Variants in AFF3 observed in about 807,000 individuals in gnomAD.
AFF3 encodes ALF transcription elongation factor 3, also known as AF4/FMR2 family member 3.
In AFF3, 32 loss-of-function variants were observed where a neutral mutation model predicts 129.7. The ratio of observed to expected loss-of-function variants is 0.25; its 90% CI spans 0.19 to 0.33. The LOEUF (loss-of-function observed/expected upper bound fraction) is 0.33, where lower values mean the gene tolerates loss of function less well. AFF3 is among the 10% of genes least tolerant of loss of function. The pLI, the probability that AFF3 is intolerant of heterozygous loss-of-function variation, is 1.00. For missense variants in AFF3, 1,373 were observed against 1,592.0 expected, an observed-to-expected ratio of 0.86 and a Z score of 2.34; for synonymous variants, 644 against 635.4, an observed-to-expected ratio of 1.01 and a Z score of -0.20.
rs1339657155 is a variant in AFF3, at chr2:99,548,930, A to T, written c.*2544T>A. ...CCACAGATGAAACAAGACAGTCATAAGAACTACACGCTCTGACCACTGCCC... is the reference window on the plus strand; with the variant it reads ...CCACAGATGAAACAAGACAGTCATATGAACTACACGCTCTGACCACTGCCC... On this transcript the variant is annotated 3_prime_UTR_variant, in exon 25 of 25. Transcript: ENST00000672756. 3 of 232,386 alleles carry T rather than the reference A, an allele frequency of 1.3e-5. No homozygotes were observed. Among genetic ancestry groups the T allele is most frequent in the Non-Finnish European group, 2.6e-5 (3 of 117,580 alleles). 14.4% of individuals were successfully genotyped at this position (232,386 alleles called of 1,614,324 possible).
chr2:99,919,752 T>TAA (rs150738092), intron 7 of AFF3, among the ~76,000 whole-genome samples: 83 of 145,698 alleles, frequency 5.7e-4, no homozygotes, highest in Non-Finnish European at 9.1e-4. Flanking sequence ...AACTGAAAAA[T>TAA]AAAAAAAAAA....
At chr2:99,696,584 A>G (rs1050948104) in intron 11 of AFF3, among the ~76,000 whole-genome samples, 2 of 152,192 alleles carry the variant, frequency 1.3e-5, no homozygotes, top group African/African-American at 4.8e-5. Flanking sequence ...GGAAGCCCAG[A>G]GCATGGACTA....
chr2:99,593,292 CT>C lies in AFF3; in HGVS notation c.2368del (p.Ser790AlafsTer71). 1 of 1,614,028 alleles carries C rather than the reference CT, an allele frequency of 6.2e-7. No homozygotes were observed. The highest frequency in any genetic ancestry group is 8.5e-7 in the Non-Finnish European group (1 of 1,179,956). On this transcript the variant is annotated frameshift_variant, in exon 15 of 25. Transcript: ENST00000672756. LOFTEE classifies it high-confidence loss of function. ...CTCAGAGTCCTTGGTGGCAGGGGCG[CT>C]CAATACCCCTGGCTCCTGGGGCAGG... ...EHLPQEPGVL[S>X]APATKDSESA...
Position 99,566,503 on chromosome 2 carries a change from G to A in AFF3, c.2983-880C>T, listed in dbSNP as rs761965368. ...TTTGAGGTTCCAGTGAGCTATGATC[G>A]CCCCACTGTGCTCCAACCTGGATAA... On this transcript the variant is annotated intron_variant, in intron 19 of 24. Coordinates refer to ENST00000672756, the MANE Select transcript of AFF3 (RefSeq NM_001386135.1). Among the ~76,000 whole-genome samples, 14 of 152,202 alleles carry A rather than the reference G, an allele frequency of 9.2e-5. No individual in the cohort carries two copies. In the East Asian group the frequency reaches 2.1e-3, roughly 23 times the overall value.
At chr2:99,959,029 T>C (rs1014607734) in intron 7 of AFF3, among the ~76,000 whole-genome samples, 27 of 151,912 alleles carry the variant, frequency 1.8e-4, no homozygotes, top group Middle Eastern at 3.4e-3. Flanking sequence ...TCCAGGAGTA[T>C]GAGGCTGCAG....
intron 7 of AFF3, among the ~76,000 whole-genome samples, chr2:99,978,789 G>C (rs1480964434): frequency 2.6e-5 from 4 of 152,180 alleles, no homozygotes; most frequent in Admixed American, 2.6e-4. Flanking sequence ...ACCACGTGAG[G>C]ATACAGCAAT....
At chr2:99,895,574 CT>C (rs1383011594) in intron 7 of AFF3, among the ~76,000 whole-genome samples, 2 of 152,136 alleles carry the variant, frequency 1.3e-5, no homozygotes, top group African/African-American at 4.8e-5. Flanking sequence ...GATCTTACCC[CT>C]GATAAAGGCT....
At chr2:99,806,652 A>G (rs1686375266) in intron 8 of AFF3, among the ~76,000 whole-genome samples, 5 of 152,098 alleles carry the variant, frequency 3.3e-5, no homozygotes, top group Admixed American at 3.3e-4. Flanking sequence ...TAGCAGACCT[A>G]CTAGTCACAG....
chr2:99,554,712 T>C lies in AFF3; in HGVS notation c.3306A>G (p.Gln1102=). Residue 1102 remains glutamine, a synonymous_variant, in exon 23 of 25, where the codon CAA becomes CAG. Transcript: ENST00000672756. ...DYFKNSSKAA[Q]APSPWGASGK... is the part of the protein sequence containing the mutation. The stretch of plus-strand genomic sequence containing the variant: ...CACTGGCCCCCCACGGAGATGGGGC[T>C]TGGGCGGCTTTAGATGAGTTCTGCA... The C allele has an allele frequency of 6.2e-7, 1 of 1,614,222 alleles. No homozygotes were observed. The highest frequency in any genetic ancestry group is 8.5e-7 in the Non-Finnish European group (1 of 1,180,042).
rs1280342112 is a variant in AFF3, at chr2:99,963,629, A to G, written c.873+43003T>C. Among the ~76,000 whole-genome samples, 3 of 151,850 alleles carry G rather than the reference A, an allele frequency of 2.0e-5. 1 individual carries two copies. The highest frequency in any genetic ancestry group is 4.4e-5 in the Non-Finnish European group (3 of 67,870). On this transcript the variant is annotated intron_variant, in intron 7 of 24. Transcript: ENST00000672756. Reference sequence around the variant, plus strand: ...ATACAAATAGATGTACTAAAAAACAAAAAAAAACCCCAAAAACAAAAATCA... The same window carrying G: ...ATACAAATAGATGTACTAAAAAACAGAAAAAAACCCCAAAAACAAAAATCA...
At chr2:100,120,085 T>C (rs1691893334) in intron 2 of AFF3, among the ~76,000 whole-genome samples, 1 of 152,200 alleles carries the variant, frequency 6.6e-6, no homozygotes, top group South Asian at 2.1e-4. Flanking sequence ...TTAGTGATGA[T>C]GTTTAATACA....
chr2:99,619,819 A>T (rs1283600534), intron 13 of AFF3, among the ~76,000 whole-genome samples: 1 of 152,140 alleles, frequency 6.6e-6, no homozygotes, highest in Admixed American at 6.5e-5. Flanking sequence ...TGCTAAGTAG[A>T]TCACCCCTCA....
intron 7 of AFF3, among the ~76,000 whole-genome samples, chr2:99,983,074 T>C (rs1679555908): frequency 6.6e-6 from 1 of 152,238 alleles, no homozygotes; most frequent in Non-Finnish European, 1.5e-5. Flanking sequence ...CTTAAAGAAC[T>C]ATCCAGGTGT....
intron 7 of AFF3, among the ~76,000 whole-genome samples, chr2:99,950,608 C>A (rs1434349437): frequency 1.3e-5 from 2 of 152,112 alleles, no homozygotes; most frequent in African/African-American, 4.8e-5. Context: ...ACTAAATTGT[C>A]ATATCCATGA....
chr2:100,094,041 T>C (rs1163030673), intron 4 of AFF3, among the ~76,000 whole-genome samples: 2 of 152,176 alleles, frequency 1.3e-5, no homozygotes, highest in African/African-American at 4.8e-5. Context: ...AGACAGCTCA[T>C]ATATTTTGCT....
intron 4 of AFF3, among the ~76,000 whole-genome samples, chr2:100,067,188 A>G (rs918589333): frequency 1.1e-4 from 17 of 152,036 alleles, no homozygotes; most frequent in Admixed American, 2.0e-4. Flanking sequence ...GTTAAAAAAA[A>G]AAAAAAAAAG....
chr2:99,598,434 A>T lies in AFF3; in HGVS notation c.1371+3001T>A, dbSNP rs145369141. 4.6e-5 allele frequency among the ~76,000 whole-genome samples: 7 copies of T among 152,310 alleles called. No individual in the cohort carries two copies. The East Asian group carries it at 1.2e-3, about 25-fold the overall frequency. On this transcript the variant is annotated intron_variant, in intron 14 of 24. Coordinates refer to ENST00000672756, the MANE Select transcript of AFF3 (RefSeq NM_001386135.1). ...AGACCAATGAAGCCCACATCATGCC[A>T]CAGAGAGGGCCCCTCCATGCTACGC...
intron 4 of AFF3, among the ~76,000 whole-genome samples, chr2:100,036,632 C>T (rs1315083935): frequency 1.3e-5 from 2 of 151,400 alleles, no homozygotes; most frequent in Non-Finnish European, 1.5e-5. Flanking sequence ...CACATAACCA[C>T]AAAGTTACAA....
intron 10 of AFF3, among the ~76,000 whole-genome samples, chr2:99,734,668 T>G (rs1329403568): frequency 6.6e-6 from 1 of 152,020 alleles, no homozygotes; most frequent in Non-Finnish European, 1.5e-5. Flanking sequence ...TTAATCATGT[T>G]AATATTATAA....
Sources: allele counts gnomAD v4.1 joint callset (sites outside exome capture counted in the v4.1 genomes callset), GRCh38; gene constraint gnomAD v4.1.1; transcripts MANE v1.5; gene names NCBI Gene and HGNC (gene_info 2026-07-23, HGNC 2026-07-21).